Variants in SLC47A2 observed in about 807,000 individuals in gnomAD.
The protein encoded by SLC47A2 is multidrug and toxin extrusion protein 2.
A neutral mutation model predicts 67.7 loss-of-function variants in SLC47A2; 52 were observed. The ratio of observed to expected loss-of-function variants is 0.77; its 90% CI spans 0.61 to 0.97. The LOEUF is 0.97. Ranked by LOEUF, SLC47A2 falls within the 50% of genes least tolerant of loss-of-function variation. SLC47A2 has a pLI of 0.00. For synonymous variants in SLC47A2, 278 were observed against 292.9 expected (o/e 0.95, Z 0.52); for missense variants, 676 against 712.3 (o/e 0.95, Z 0.58).
intron 13 of SLC47A2, among the ~76,000 whole-genome samples, chr17:19,700,582 A>G (rs2085759675): frequency 6.6e-6 from 1 of 152,100 alleles, no homozygotes; most frequent in Admixed American, 6.5e-5. Context: ...ACAACATGGC[A>G]AGATTCCATC....
intron 13 of SLC47A2, among the ~76,000 whole-genome samples, chr17:19,688,853 C>A (rs2085481055): frequency 6.7e-6 from 1 of 148,790 alleles, no homozygotes; most frequent in Non-Finnish European, 1.5e-5. Context: ...TCACTGTGCC[C>A]CGCTGGTGAT....
intron 5 of SLC47A2, 22 bp downstream of exon 5, chr17:19,712,681 C>T (rs763464481): frequency 1.2e-6 from 2 of 1,611,976 alleles, no homozygotes; most frequent in Non-Finnish European, 1.7e-6. Flanking sequence ...TGATTCCACG[C>T]TCAGCAAACA....
chr17:19,701,100 G>A (rs1443506963), intron 13 of SLC47A2, among the ~76,000 whole-genome samples: 3 of 150,468 alleles, frequency 2.0e-5, no homozygotes, highest in Non-Finnish European at 3.0e-5. Context: ...CCCAGGAGGT[G>A]GAGGTTGCAG....
chr17:19,713,404 A>G (rs531978690), intron 4 of SLC47A2, among the ~76,000 whole-genome samples: 3 of 144,904 alleles, frequency 2.1e-5, no homozygotes, highest in Non-Finnish European at 4.4e-5. Context: ...TAATAATAAT[A>G]ATAATAATAA....
chr17:19,708,897 C>T (rs1392227172), intron 5 of SLC47A2, 137 bp from the exon 6 acceptor site: 4 of 1,123,514 alleles, frequency 3.6e-6, no homozygotes, highest in Non-Finnish European at 5.1e-6. Flanking sequence ...TGGGACCTCT[C>T]AGGTGCGGCC....
Position 19,678,900 on chromosome 17 carries a change from G to A in SLC47A2, c.1487C>T (p.Thr496Ile), listed in dbSNP as rs781242791. 1 of 1,569,752 alleles carries A rather than the reference G, an allele frequency of 6.4e-7. No homozygotes were observed. The highest frequency in any genetic ancestry group is 8.7e-7 in the Non-Finnish European group (1 of 1,155,968). ...PEKAVLSSVATGSSPGITLTT... is the reference protein window; with the variant it reads ...PEKAVLSSVAIGSSPGITLTT... The stretch of plus-strand genomic sequence containing the variant: ...CAAGGTAATGCCAGGGGAACTGCCT[G>A]TAGCCACTGCGGAAGCAAACAGGAG... Residue 496 changes from threonine (T) to isoleucine (I), a missense_variant, in exon 17 of 17, where the codon ACA becomes ATA. Thr to Ile is a moderately conservative substitution (Grantham distance 89). Coordinates refer to ENST00000433844, the MANE Select transcript of SLC47A2 (RefSeq NM_001099646.3).
upstream of SLC47A2, chr17:19,716,593 G>A (rs369663946): frequency 1.8e-4 from 285 of 1,542,140 alleles, no homozygotes; most frequent in Non-Finnish European, 2.3e-4. Flanking sequence ...ACGCCTGAGC[G>A]CCTGCACGGC....
intron 5 of SLC47A2, among the ~76,000 whole-genome samples, chr17:19,709,636 A>C (rs1414345510): frequency 6.6e-6 from 1 of 152,194 alleles, no homozygotes; most frequent in Admixed American, 6.5e-5. Context: ...TAAATATTGC[A>C]AAGTTAATAT....
intron 11 of SLC47A2, among the ~76,000 whole-genome samples, 199 bp downstream of exon 11, chr17:19,703,871 C>T (rs934022652): frequency 6.6e-6 from 1 of 152,134 alleles, no homozygotes; most frequent in Non-Finnish European, 1.5e-5. Context: ...GTGGGAGGGA[C>T]GCCTGCTGCT....
chr17:19,684,733 G>C (rs1268205472), intron 13 of SLC47A2, among the ~76,000 whole-genome samples: 3 of 151,022 alleles, frequency 2.0e-5, no homozygotes, highest in Non-Finnish European at 3.0e-5. Context: ...AAAATAAATA[G>C]ATAAAAGATT....
Position 19,702,103 on chromosome 17 carries a change from T to C in SLC47A2, c.1164+502A>G, listed in dbSNP as rs567861167. The C allele has an allele frequency of 2.7e-5, 26 of 966,428 alleles. No individual in the cohort carries two copies. The African/African-American group carries it at 4.6e-4, about 17-fold the overall frequency. The allele number at this position is 966,428 out of a possible 1,614,324, so 59.9% of individuals were successfully genotyped here. A position where few individuals can be genotyped will look rare whatever the true frequency, so the allele number is the denominator to read the frequency against. ...CAGCCTGGGTGACAAAGCGAGACCC[T>C]GTCTCAAAAAAAAAAAAAAATTACA... On this transcript the variant is annotated intron_variant, in intron 13 of 16. Coordinates refer to ENST00000433844, the MANE Select transcript of SLC47A2 (RefSeq NM_001099646.3).
intron 5 of SLC47A2, among the ~76,000 whole-genome samples, chr17:19,709,919 G>A (rs955645900): frequency 6.6e-6 from 1 of 152,168 alleles, no homozygotes; most frequent in Non-Finnish European, 1.5e-5. Flanking sequence ...ACTCAGAGGA[G>A]AAGAGCAGCC....
At chr17:19,715,256 T>G (rs1597648476) in intron 1 of SLC47A2, 39 bp from the exon 2 acceptor site, 1 of 1,575,066 alleles carries the variant, frequency 6.3e-7, no homozygotes, top group Non-Finnish European at 8.7e-7. Flanking sequence ...GGGCCACAGG[T>G]GCCCACACAG....
chr17:19,678,555 G>A lies in SLC47A2; in HGVS notation c.*131C>T. 1 of 898,158 alleles carries A rather than the reference G, an allele frequency of 1.1e-6. No homozygotes were observed. Among genetic ancestry groups the A allele is most frequent in the Non-Finnish European group, 1.7e-6 (1 of 578,120 alleles). The allele number at this position is 898,158 out of a possible 1,614,324, so 55.6% of individuals were successfully genotyped here. A position where few individuals can be genotyped will look rare whatever the true frequency, so the allele number is the denominator to read the frequency against. On this transcript the variant is annotated 3_prime_UTR_variant, in exon 17 of 17. Transcript: ENST00000433844. Reference sequence around the variant, plus strand: ...GTGTCACCACAAGGAATCAGCCAAAGTTCTTTTTTTGAGGAGTGGTTCAAA... The same window carrying A: ...GTGTCACCACAAGGAATCAGCCAAAATTCTTTTTTTGAGGAGTGGTTCAAA...
intron 7 of SLC47A2, 58 bp downstream of exon 7, chr17:19,708,244 G>C: frequency 1.9e-6 from 3 of 1,576,312 alleles, no homozygotes; most frequent in Non-Finnish European, 2.6e-6. Context: ...CTCCACCAGG[G>C]GTGGAGAGCT....
At chr17:19,691,817 G>T (rs2085547451) in intron 13 of SLC47A2, among the ~76,000 whole-genome samples, 1 of 152,102 alleles carries the variant, frequency 6.6e-6, no homozygotes, top group Non-Finnish European at 1.5e-5. Context: ...CTGATTATTA[G>T]GCATTGCATG....
chr17:19,715,260 C>T, intron 1 of SLC47A2, 43 bp from the exon 2 acceptor site: 1 of 1,565,784 alleles, frequency 6.4e-7, no homozygotes, highest in Non-Finnish European at 8.7e-7. Context: ...CACAGGTGCC[C>T]ACACAGCCGA....
At chr17:19,709,290 A>C (rs569572148) in intron 5 of SLC47A2, among the ~76,000 whole-genome samples, 25 of 152,140 alleles carry the variant, frequency 1.6e-4, no homozygotes, top group Non-Finnish European at 3.4e-4. Context: ...GCTGGGGAGG[A>C]CCATAGGGGA....
Position 19,708,341 on chromosome 17 carries a change from G to C in SLC47A2, c.590C>G (p.Ala197Gly). The change falls in exon 7 of 17, where the codon GCC becomes GGC. Residue 197 changes from alanine (A) to glycine (G), a missense_variant. Physicochemically the swap from Ala to Gly is moderately conservative, Grantham distance 60. Transcript: ENST00000433844. The part of the protein sequence containing the change: ...GVVGNCVNGV[A>G]NYALVSVLNL... ...CAGCACAGAAACCAGGGCATAGTTG[G>C]CCACACCGTTGACACAGTTGCCCAC... The C allele has an allele frequency of 1.2e-6, 2 of 1,613,604 alleles. No individual in the cohort carries two copies. Among genetic ancestry groups the C allele is most frequent in the Non-Finnish European group, 1.7e-6 (2 of 1,180,014 alleles).
Sources: allele counts gnomAD v4.1 joint callset (sites outside exome capture counted in the v4.1 genomes callset), GRCh38; gene constraint gnomAD v4.1.1; transcripts MANE v1.5; gene names NCBI Gene and HGNC (gene_info 2026-07-23, HGNC 2026-07-21).